Variants in EZH2 observed in about 807,000 individuals in gnomAD.
EZH2 encodes the protein histone-lysine N-methyltransferase EZH2.
A neutral mutation model predicts 98.4 loss-of-function variants in EZH2; 18 were observed. The ratio of observed to expected loss-of-function variants is 0.18; its 90% CI spans 0.13 to 0.27. The LOEUF is 0.27. Ranked by LOEUF, EZH2 falls within the 10% of genes least tolerant of loss-of-function variation. The pLI is 1.00. For missense variants in EZH2, 470 were observed against 935.1 expected (o/e 0.50, Z 6.49); for synonymous variants, 338 against 312.3 (o/e 1.08, Z -0.87).
chr7:148,810,919 A>AG, intron 16 of EZH2, among the ~76,000 whole-genome samples: 1 of 151,612 alleles, frequency 6.6e-6, no homozygotes. Context: ...AAAAAAAAAA[A>AG]AAATTTGGGT....
At chr7:148,851,638 T>C (rs1035604332) in intron 1 of EZH2, among the ~76,000 whole-genome samples, 1 of 151,956 alleles carries the variant, frequency 6.6e-6, no homozygotes, top group Non-Finnish European at 1.5e-5. Context: ...GAGGCCAAGG[T>C]TGGAGGATTG....
chr7:148,880,972 G>A (rs1820868902), intron 1 of EZH2, among the ~76,000 whole-genome samples: 1 of 152,174 alleles, frequency 6.6e-6, no homozygotes, highest in Non-Finnish European at 1.5e-5. Context: ...ACAAGAGTGG[G>A]AATTCAGGGA....
In EZH2 at chr7:148,817,410, G is replaced by C; in HGVS notation, c.1241-19C>G. The C allele has an allele frequency of 6.2e-7, 1 of 1,608,468 alleles. No individual in the cohort carries two copies. Among genetic ancestry groups the C allele is most frequent in the Non-Finnish European group, 8.5e-7 (1 of 1,178,068 alleles). ...TTTGCTTCTACAAAACCAAATGTAA[G>C]CACTGGTCAAGAAATGATTGGAAAT... is the stretch of plus-strand genomic sequence containing the variant. On this transcript the variant is annotated intron_variant, in intron 10 of 19. Coordinates refer to ENST00000320356, the MANE Select transcript of EZH2 (RefSeq NM_004456.5).
intron 3 of EZH2, among the ~76,000 whole-genome samples, chr7:148,840,411 C>T (rs976647893): frequency 6.6e-6 from 1 of 151,872 alleles, no homozygotes; most frequent in Non-Finnish European, 1.5e-5. Context: ...GTATATCTGG[C>T]CAATAATTTT....
intron 8 of EZH2, among the ~76,000 whole-genome samples, chr7:148,822,569 T>C (rs1806453351): frequency 6.7e-6 from 1 of 149,472 alleles, no homozygotes; most frequent in Non-Finnish European, 1.5e-5. Context: ...TTGAAAAAAA[T>C]TGCAACTCAT....
chr7:148,856,272 A>G (rs1166669205), intron 1 of EZH2, among the ~76,000 whole-genome samples: 2 of 152,228 alleles, frequency 1.3e-5, no homozygotes, highest in African/African-American at 2.4e-5. Flanking sequence ...GGTTAAACAA[A>G]TAAGTAAATA....
At chr7:148,862,895 G>GT (rs914743757) in intron 1 of EZH2, among the ~76,000 whole-genome samples, 1 of 149,542 alleles carries the variant, frequency 6.7e-6, no homozygotes, top group Admixed American at 6.8e-5. Flanking sequence ...GTCCAACATG[G>GT]TTTTTTTGTT....
At chr7:148,835,564 C>A (rs765056322) in intron 3 of EZH2, among the ~76,000 whole-genome samples, 1 of 151,526 alleles carries the variant, frequency 6.6e-6, no homozygotes, top group African/African-American at 2.4e-5. Flanking sequence ...TTATAATTAC[C>A]GAATATACTG....
At chr7:148,863,096 A>AAAAAGAAAG (rs1817941778) in intron 1 of EZH2, among the ~76,000 whole-genome samples, 1 of 144,536 alleles carries the variant, frequency 6.9e-6, no homozygotes, top group African/African-American at 2.6e-5. Flanking sequence ...AAAAAAAAAA[A>AAAAAGAAAG]AAAGAAAGAA....
rs764188490 is a variant in EZH2 at position 148,818,138 on chromosome 7, A to T, written c.1000-21T>A. 2.0e-6 allele frequency: 3 copies of T among 1,532,988 alleles called. No homozygotes were observed. In the East Asian group the frequency reaches 6.8e-5, roughly 35 times the overall value. 95.0% of individuals were successfully genotyped at this position (1,532,988 alleles called of 1,614,324 possible). A position where few individuals can be genotyped will look rare whatever the true frequency, so the allele number is the denominator to read the frequency against. ...CCCTCCTACGAAATGAAAAATGTCA[A>T]CATCAGGGCAAAGTTCTAAAACTCA... On this transcript the variant is annotated intron_variant, in intron 9 of 19. Coordinates refer to ENST00000320356, the MANE Select transcript of EZH2 (RefSeq NM_004456.5).
At chr7:148,847,147 T>C in intron 2 of EZH2, 35 bp downstream of exon 2, 3 of 1,586,070 alleles carry the variant, frequency 1.9e-6, no homozygotes, top group African/African-American at 1.4e-5. Context: ...CTATCCTTAA[T>C]TGTATATTCA....
intron 10 of EZH2, 169 bp downstream of exon 10, chr7:148,817,708 G>T: frequency 2.2e-6 from 2 of 919,042 alleles, no homozygotes; most frequent in East Asian, 2.5e-5. Context: ...GCTAGGGTAC[G>T]GGTGCAGGCA....
intron 3 of EZH2, among the ~76,000 whole-genome samples, chr7:148,838,674 T>C (rs1811543404): frequency 6.6e-6 from 1 of 152,248 alleles, no homozygotes. Flanking sequence ...CTATAGTTTA[T>C]ATAGGCTGTG....
intron 16 of EZH2, among the ~76,000 whole-genome samples, chr7:148,810,896 C>CAAAAAAAAAAAAAAAAAAAAAA (rs924758768): frequency 2.3e-5 from 1 of 43,676 alleles, no homozygotes; most frequent in African/African-American, 8.6e-5. Flanking sequence ...AACTCTGTCT[C>CAAAAAAAAAAAAAAAAAAAAAA]AAAAAAAAAA....
At chr7:148,876,182 G>C (rs908617702) in intron 1 of EZH2, 1 of 152,192 alleles carries the variant, frequency 6.6e-6, no homozygotes, top group Non-Finnish European at 1.5e-5. Flanking sequence ...AGCTACTCGG[G>C]AGACTGAGGC....
chr7:148,815,091 A>G, intron 13 of EZH2, 52 bp from the exon 14 acceptor site: 1 of 1,594,126 alleles, frequency 6.3e-7, no homozygotes, highest in Non-Finnish European at 8.6e-7. Flanking sequence ...GATGGAAACG[A>G]TCATACACAA....
At chr7:148,828,998 T>A (rs1808538714) in intron 5 of EZH2, 118 bp from the exon 6 acceptor site, 1 of 1,010,972 alleles carries the variant, frequency 9.9e-7, no homozygotes, top group Non-Finnish European at 1.4e-6. Flanking sequence ...AAAACATTAT[T>A]ATTGAAATGA....
rs371510425 is a variant in EZH2, at chr7:148,878,946, C to T, written c.-8+5218G>A. Among the ~76,000 whole-genome samples, 86 of 150,632 alleles carry T rather than the reference C, an allele frequency of 5.7e-4. No homozygotes were observed. In the South Asian group the frequency reaches 0.01, roughly 18 times the overall value. The stretch of plus-strand genomic sequence containing the variant: ...ATGTTTAAAAAGTATCCAGGCCAGG[C>T]GTGCGCAGTAGCTCACGCCTGTAAT... On this transcript the variant is annotated intron_variant, in intron 1 of 19. Transcript: ENST00000320356.
At chr7:148,821,543 G>A (rs1292981127) in intron 8 of EZH2, among the ~76,000 whole-genome samples, 1 of 152,002 alleles carries the variant, frequency 6.6e-6, no homozygotes, top group Non-Finnish European at 1.5e-5. Flanking sequence ...AATGTATATA[G>A]GCTGGGTGCA....
Sources: allele counts gnomAD v4.1 joint callset (sites outside exome capture counted in the v4.1 genomes callset), GRCh38; gene constraint gnomAD v4.1.1; transcripts MANE v1.5; gene names NCBI Gene and HGNC (gene_info 2026-07-23, HGNC 2026-07-21).